The following KLHL24 variants were observed in gnomAD, a reference collection of about 807,000 sequenced individuals.
KLHL24 encodes kelch-like protein 24.
In KLHL24, 29 loss-of-function variants were observed where a neutral mutation model predicts 53.4. The ratio of observed to expected loss-of-function variants is 0.54; its 90% CI spans 0.40 to 0.74. The LOEUF is 0.74. Ranked by LOEUF, KLHL24 falls within the 30% of genes least tolerant of loss-of-function variation. KLHL24 has a pLI of 0.00. For missense variants in KLHL24, 504 were observed against 744.0 expected, an observed-to-expected ratio of 0.68 and a Z score of 3.75; for synonymous variants, 222 against 253.7, an observed-to-expected ratio of 0.88 and a Z score of 1.19.
chr3:183,682,150 C>G lies in KLHL24; in HGVS notation c.*2864C>G, dbSNP rs1274438204. ...GAATCTTTATGACAATTTAGTTTTA[C>G]AAGGTCAGAAGAGATGAGTTTGCTA... On this transcript the variant is annotated 3_prime_UTR_variant, in exon 8 of 8. Coordinates refer to ENST00000242810, the MANE Select transcript of KLHL24 (RefSeq NM_017644.3). The G allele has an allele frequency of 6.6e-6, 1 of 152,018 alleles. No homozygotes were observed. The highest frequency in any genetic ancestry group is 1.5e-5 in the Non-Finnish European group (1 of 67,982). 9.4% of individuals were successfully genotyped at this position (152,018 alleles called of 1,614,324 possible). A position where few individuals can be genotyped will look rare whatever the true frequency, so the allele number is the denominator to read the frequency against.
At chr3:183,666,339 A>T (rs1427256967) in intron 5 of KLHL24, among the ~76,000 whole-genome samples, 1 of 151,888 alleles carries the variant, frequency 6.6e-6, no homozygotes, top group African/African-American at 2.4e-5. Flanking sequence ...ACTGCTCACT[A>T]CAGCCTTGAC....
chr3:183,657,720 A>G (rs1432510712), intron 3 of KLHL24, among the ~76,000 whole-genome samples: 1 of 152,200 alleles, frequency 6.6e-6, no homozygotes, highest in Non-Finnish European at 1.5e-5. Context: ...ATTCTCCTAT[A>G]TTATAGGATG....
At chr3:183,674,243 T>TTTTCTC (rs1035202843) in intron 7 of KLHL24, among the ~76,000 whole-genome samples, 2 of 130,970 alleles carry the variant, frequency 1.5e-5, no homozygotes, top group African/African-American at 5.8e-5. Flanking sequence ...TTAGCATCAA[T>TTTTCTC]TTTCTTTCTT....
In KLHL24 at chr3:183,663,356, A is replaced by G. The variant is rs972543016; in HGVS notation, c.921-102A>G. On this transcript the variant is annotated intron_variant, in intron 3 of 7. Transcript: ENST00000242810. The surrounding 1 kb of genome is among the most constrained non-coding windows in gnomAD (Gnocchi z 4.9). ...ACAGAGAAGAAACTTAACTGTTTAT[A>G]ATAGTGCGTGGTTTGTTTTTAGAGT... is the stretch of plus-strand genomic sequence containing the variant. The G allele has an allele frequency of 3.8e-6, 2 of 532,742 alleles. No homozygotes were observed. Among genetic ancestry groups the G allele is most frequent in the Non-Finnish European group, 6.1e-6 (2 of 329,322 alleles). The allele number at this position is 532,742 out of a possible 1,614,324, so 33.0% of individuals were successfully genotyped here.
Position 183,651,082 on chromosome 3 carries a change from T to C in KLHL24, c.726T>C (p.Asp242=), listed in dbSNP as rs1413133764. The change falls in exon 3 of 8, where the codon GAT becomes GAC. Residue 242 remains aspartate, a synonymous_variant. Coordinates refer to ENST00000242810, the MANE Select transcript of KLHL24 (RefSeq NM_017644.3). ...AVMRWVYRAV[D]LRRPLLHELL... ...TGCGTTGGGTCTATCGTGCCGTTGA[T>C]CTGAGAAGACCACTGTTACACGAGC... is the stretch of plus-strand genomic sequence containing the variant. 1.9e-6 allele frequency: 3 copies of C among 1,614,214 alleles called. No homozygotes were observed. The highest frequency in any genetic ancestry group is 2.5e-6 in the Non-Finnish European group (3 of 1,180,024).
intron 3 of KLHL24, among the ~76,000 whole-genome samples, chr3:183,651,524 A>G (rs560399950): frequency 3.9e-5 from 6 of 152,204 alleles, no homozygotes; most frequent in Non-Finnish European, 7.3e-5. Flanking sequence ...GCAACTGTGC[A>G]TATCTCAACA....
intron 6 of KLHL24, 85 bp from the exon 7 acceptor site, chr3:183,672,211 G>A (rs1376498092): frequency 3.1e-5 from 19 of 613,374 alleles, no homozygotes; most frequent in Non-Finnish European, 4.4e-5. Context: ...TTTAAATAAT[G>A]TTTGTAGGTA....
chr3:183,646,384 AATC>A, intron 2 of KLHL24, among the ~76,000 whole-genome samples: 1 of 151,460 alleles, frequency 6.6e-6, no homozygotes, highest in Non-Finnish European at 1.5e-5. Context: ...AAAAAAAAAA[AATC>A]AACATACTGC....
rs1459990952 is a variant in KLHL24 at position 183,684,040 on chromosome 3, G to C, written c.*4754G>C. ...TATCTATCTTACATTGATTAAACCC[G>C]TGTAAATTCATTTGCAGTATCTACA... On this transcript the variant is annotated 3_prime_UTR_variant, in exon 8 of 8. Coordinates refer to ENST00000242810, the MANE Select transcript of KLHL24 (RefSeq NM_017644.3). The C allele has an allele frequency of 6.6e-6, 1 of 152,416 alleles. No homozygotes were observed. The highest frequency in any genetic ancestry group is 6.5e-5 in the Admixed American group (1 of 15,272). The allele number at this position is 152,416 out of a possible 1,614,324, so 9.4% of individuals were successfully genotyped here.
In KLHL24 at chr3:183,683,427, T is replaced by C. The variant is rs1712893625; in HGVS notation, c.*4141T>C. The stretch of plus-strand genomic sequence containing the variant: ...TTTACATCACCTCACCCCATTATTC[T>C]TTTTAGTTAAATAAATTTACCATGC... On this transcript the variant is annotated 3_prime_UTR_variant, in exon 8 of 8. Coordinates refer to ENST00000242810, the MANE Select transcript of KLHL24 (RefSeq NM_017644.3). 1 of 152,610 alleles carries C rather than the reference T, an allele frequency of 6.6e-6. No individual in the cohort carries two copies. Among genetic ancestry groups the C allele is most frequent in the Admixed American group, 6.6e-5 (1 of 15,258 alleles). 9.5% of individuals were successfully genotyped at this position (152,610 alleles called of 1,614,324 possible). A position where few individuals can be genotyped will look rare whatever the true frequency, so the allele number is the denominator to read the frequency against.
At chr3:183,678,313 A>G (rs1026579331) in intron 7 of KLHL24, among the ~76,000 whole-genome samples, 2 of 152,080 alleles carry the variant, frequency 1.3e-5, no homozygotes, top group Non-Finnish European at 2.9e-5. Flanking sequence ...CATTCATTCA[A>G]TTTTTGGGTA....
rs3755648 is a variant in KLHL24 at position 183,650,428 on chromosome 3, A to T, written c.72A>T (p.Arg24=). 444,247 of 1,613,614 alleles carry T rather than the reference A, an allele frequency of 0.28. 64,755 individuals carry two copies. The highest frequency in any genetic ancestry group is 0.5 in the African/African-American group (37,142 of 74,918). ...LGVRDSPATK[R]KVFEMDPKSL... ...TGCGTGATTCCCCAGCAACTAAGCG[A>T]AAAGTTTTTGAAATGGACCCCAAAT... Residue 24 remains arginine, a synonymous_variant, in exon 3 of 8, where the codon CGA becomes CGT. Transcript: ENST00000242810. The surrounding 1 kb of genome is among the most constrained non-coding windows in gnomAD (Gnocchi z 4.5).
chr3:183,639,447 G>A (rs1327477881), intron 1 of KLHL24, among the ~76,000 whole-genome samples: 6 of 150,020 alleles, frequency 4.0e-5, no homozygotes, highest in Admixed American at 6.7e-5. Context: ...TGGCTAACAC[G>A]GAGAAACCCC....
intron 3 of KLHL24, among the ~76,000 whole-genome samples, chr3:183,661,158 G>C (rs1160357386): frequency 6.7e-6 from 1 of 149,946 alleles, no homozygotes; most frequent in East Asian, 2.0e-4. Context: ...GCTCACTTCA[G>C]CCAGGAGTTG....
intron 7 of KLHL24, among the ~76,000 whole-genome samples, chr3:183,676,048 A>G (rs1302958782): frequency 6.6e-6 from 1 of 152,196 alleles, no homozygotes; most frequent in Non-Finnish European, 1.5e-5. Context: ...TATTAAGTCT[A>G]ACAAAGACAA....
At chr3:183,648,085 C>T (rs920801916) in intron 2 of KLHL24, among the ~76,000 whole-genome samples, 7 of 152,066 alleles carry the variant, frequency 4.6e-5, no homozygotes, top group South Asian at 2.1e-4. Context: ...AGTACAGTAT[C>T]GTGACAATAG....
intron 3 of KLHL24, among the ~76,000 whole-genome samples, chr3:183,652,591 T>G (rs1486707415): frequency 6.6e-6 from 1 of 152,232 alleles, no homozygotes; most frequent in Non-Finnish European, 1.5e-5. Context: ...TCTCCATTTT[T>G]TCTGTGAATT....
intron 3 of KLHL24, among the ~76,000 whole-genome samples, chr3:183,660,807 C>T (rs941463103): frequency 6.6e-6 from 1 of 151,896 alleles, no homozygotes; most frequent in African/African-American, 2.4e-5. Flanking sequence ...CCTGTAATAC[C>T]AGCACTTTGG....
rs1712673752 is a variant in KLHL24, at chr3:183,681,517, G to GA, written c.*2236dup. Reference sequence around the variant, plus strand: ...TATAGTAAATTTGAAATGAAATCCTGAAAAACAGAATTTTTTTAAACACAG... The same window carrying GA: ...TATAGTAAATTTGAAATGAAATCCTGAAAAAACAGAATTTTTTTAAACACAG... On this transcript the variant is annotated 3_prime_UTR_variant, in exon 8 of 8. Transcript: ENST00000242810. 1 of 151,744 alleles carries GA rather than the reference G, an allele frequency of 6.6e-6. No homozygotes were observed. Among genetic ancestry groups the GA allele is most frequent in the Non-Finnish European group, 1.5e-5 (1 of 67,706 alleles). 9.4% of individuals were successfully genotyped at this position (151,744 alleles called of 1,614,324 possible). A position where few individuals can be genotyped will look rare whatever the true frequency, so the allele number is the denominator to read the frequency against.
Sources: gnomAD v4.1 joint callset for allele counts (sites outside exome capture counted in the v4.1 genomes callset) on GRCh38, gnomAD v4.1.1 for gene constraint, Gnocchi (gnomAD v3.1) non-coding constraint, MANE v1.5 for transcripts, NCBI Gene and HGNC (gene_info 2026-07-23, HGNC 2026-07-21) for gene names.